TXNDC11: variants seen among roughly 807,000 people sequenced by gnomAD.
TXNDC11 encodes thioredoxin domain containing 11.
TXNDC11 carries 68 observed loss-of-function variants against 78.0 expected under a neutral mutation model. The ratio of observed to expected loss-of-function variants is 0.87; its 90% CI spans 0.72 to 1.07. The LOEUF is 1.07. Among genes scored for constraint, TXNDC11 ranks in the 50% least tolerant of loss-of-function variants. The pLI is 0.00. For missense variants in TXNDC11, 1,389 were observed against 1,221.8 expected (o/e 1.14, Z -2.04); for synonymous variants, 571 against 495.2 (o/e 1.15, Z -2.03).
At position 11,679,183 on chromosome 16, in the gene TXNDC11, T is replaced by A; in HGVS notation, c.*12A>T. ...AATTTTCACCTCTGATTTCTTCATA[T>A]CATTTAAAAAGTTAGTCTGTCCTGT... On this transcript the variant is annotated 3_prime_UTR_variant, in exon 12 of 12. Transcript: ENST00000283033. This position sits in a 1 kb window ranked among gnomAD's most constrained non-coding sequence, Gnocchi z 4.6. The A allele has an allele frequency of 6.2e-7, 1 of 1,610,312 alleles. No individual in the cohort carries two copies. Among genetic ancestry groups the A allele is most frequent in the Non-Finnish European group, 8.5e-7 (1 of 1,179,116 alleles).
At chr16:11,707,859 G>C (rs904613392) in intron 5 of TXNDC11, among the ~76,000 whole-genome samples, 1 of 152,056 alleles carries the variant, frequency 6.6e-6, no homozygotes, top group African/African-American at 2.4e-5. Flanking sequence ...GAGGCAGGAG[G>C]ATCACTTGAG....
intron 2 of TXNDC11, among the ~76,000 whole-genome samples, chr16:11,735,440 A>T (rs2052191754): frequency 6.6e-6 from 1 of 152,218 alleles, no homozygotes; most frequent in Admixed American, 6.5e-5. Context: ...AAACTTTATC[A>T]TCTATGAATT....
chr16:11,736,720 C>T (rs1426531669), intron 1 of TXNDC11, among the ~76,000 whole-genome samples: 4 of 152,222 alleles, frequency 2.6e-5, no homozygotes, highest in Admixed American at 1.3e-4. Context: ...TTGGCTTGTA[C>T]TTATCCAGGG....
intron 1 of TXNDC11, among the ~76,000 whole-genome samples, chr16:11,738,194 CA>C (rs2052283840): frequency 6.6e-6 from 1 of 152,200 alleles, no homozygotes; most frequent in Admixed American, 6.5e-5. Context: ...CTAAAGAGTA[CA>C]TGCACTATGA....
In TXNDC11 at chr16:11,691,800, T is replaced by G; in HGVS notation, c.1390A>C (p.Ser464Arg). The change falls in exon 8 of 12, where the codon AGC (serine) becomes CGC (arginine). Residue 464 changes from serine to arginine, a missense_variant. Ser to Arg is a moderately radical substitution (Grantham distance 110). Coordinates refer to ENST00000283033, the MANE Select transcript of TXNDC11 (RefSeq NM_015914.7). ...KPSSVSVPQC[S>R]FFEMAAALDS... The stretch of plus-strand genomic sequence containing the variant: ...AGAGCTGCTGCCATTTCAAAAAAGC[T>G]GCACTGTGGCACGCTGACCGAGCTC... 1.2e-6 allele frequency: 2 copies of G among 1,614,268 alleles called. No homozygotes were observed. The highest frequency in any genetic ancestry group is 1.7e-6 in the Non-Finnish European group (2 of 1,180,050).
intron 1 of TXNDC11, among the ~76,000 whole-genome samples, chr16:11,736,992 T>C (rs781333771): frequency 2.0e-5 from 3 of 152,122 alleles, no homozygotes; most frequent in Admixed American, 6.5e-5. Context: ...AGAAGGGCCC[T>C]AGTAAACACC....
At chr16:11,684,443 G>A (rs1024252558) in intron 10 of TXNDC11, among the ~76,000 whole-genome samples, 198 bp from the exon 11 acceptor site, 14 of 152,142 alleles carry the variant, frequency 9.2e-5, no homozygotes, top group Admixed American at 3.9e-4. Flanking sequence ...CTACGTGGAC[G>A]CTTTCCACTG....
At chr16:11,721,425 C>A (rs1034827646) in intron 5 of TXNDC11, 152 bp downstream of exon 5, 2 of 433,086 alleles carry the variant, frequency 4.6e-6, no homozygotes, top group African/African-American at 2.1e-5. Context: ...GGCGGCAGGG[C>A]GAGACTCCAT....
intron 6 of TXNDC11, among the ~76,000 whole-genome samples, chr16:11,699,942 G>A (rs1016459714): frequency 1.3e-5 from 2 of 152,160 alleles, no homozygotes; most frequent in African/African-American, 4.8e-5. Context: ...ATGAAATCGG[G>A]GAACAAAGGC....
At chr16:11,711,970 G>T (rs942567285) in intron 5 of TXNDC11, among the ~76,000 whole-genome samples, 1 of 152,304 alleles carries the variant, frequency 6.6e-6, no homozygotes, top group African/African-American at 2.4e-5. Flanking sequence ...CCAGAACTGG[G>T]CTTGTCTGCA....
chr16:11,701,085 T>C (rs964491772), intron 5 of TXNDC11, among the ~76,000 whole-genome samples: 1 of 151,312 alleles, frequency 6.6e-6, no homozygotes, highest in Non-Finnish European at 1.5e-5. Flanking sequence ...AACATTTGCA[T>C]AATCTCATTC....
intron 7 of TXNDC11, among the ~76,000 whole-genome samples, chr16:11,694,931 G>C (rs986232626): frequency 1.3e-5 from 2 of 152,124 alleles, no homozygotes; most frequent in African/African-American, 4.8e-5. Flanking sequence ...ATAACTGTTC[G>C]CACAGTAGAT....
chr16:11,698,040 A>C, intron 7 of TXNDC11, 85 bp downstream of exon 7: 1 of 1,309,946 alleles, frequency 7.6e-7, no homozygotes, highest in Admixed American at 1.7e-5. Context: ...CTGCCAGAGT[A>C]AATGACTGAG....
chr16:11,693,685 A>G (rs190186698), intron 7 of TXNDC11, among the ~76,000 whole-genome samples: 207 of 152,348 alleles, frequency 1.4e-3, no homozygotes, highest in African/African-American at 4.8e-3. Context: ...CTGGGTCAAG[A>G]AAAGAAGTCA....
At chr16:11,720,766 C>G (rs1263350246) in intron 5 of TXNDC11, among the ~76,000 whole-genome samples, 1 of 151,512 alleles carries the variant, frequency 6.6e-6, no homozygotes, top group Non-Finnish European at 1.5e-5. Flanking sequence ...CAGGATCTCA[C>G]TCTGTCCCCC....
chr16:11,682,419 C>T (rs1331640583), intron 11 of TXNDC11, among the ~76,000 whole-genome samples: 2 of 152,284 alleles, frequency 1.3e-5, no homozygotes, highest in Middle Eastern at 3.4e-3. Flanking sequence ...AGCATGGGGC[C>T]GGAGAAATGC....
At position 11,733,992 on chromosome 16, in the gene TXNDC11, A is replaced by G. The variant is rs2052138395; in HGVS notation, c.559T>C (p.Tyr187His). Residue 187 changes from tyrosine (Y) to histidine (H), a missense_variant, in exon 3 of 12, where the codon TAT becomes CAT. Coordinates refer to ENST00000283033, the MANE Select transcript of TXNDC11 (RefSeq NM_015914.7). ...HFFYFPVIYL[Y>H]HRSFGPIEYK... ...TTAAAAAGTTCTTACCTCCGATGAT[A>G]CAGATATATTACAGGAAAATAAAAG... The G allele has an allele frequency of 1.2e-6, 2 of 1,606,188 alleles. No homozygotes were observed. Among genetic ancestry groups the G allele is most frequent in the South Asian group, 1.1e-5 (1 of 88,744 alleles).
chr16:11,735,850 T>C (rs1002442472), intron 2 of TXNDC11, among the ~76,000 whole-genome samples, 167 bp downstream of exon 2: 17 of 152,346 alleles, frequency 1.1e-4, no homozygotes, highest in East Asian at 7.7e-4. Flanking sequence ...ATCGCCACAA[T>C]TGGAAATCCT....
chr16:11,740,283 C>T (rs766504168), intron 1 of TXNDC11, among the ~76,000 whole-genome samples: 53 of 152,158 alleles, frequency 3.5e-4, no homozygotes, highest in Non-Finnish European at 6.6e-4. Context: ...TGACACCATT[C>T]AATCAAAGAT....
Sources: gnomAD v4.1 joint callset for allele counts (sites outside exome capture counted in the v4.1 genomes callset) on GRCh38, gnomAD v4.1.1 for gene constraint, Gnocchi (gnomAD v3.1) non-coding constraint, MANE v1.5 for transcripts, NCBI Gene and HGNC (gene_info 2026-07-23, HGNC 2026-07-21) for gene names.